MGST1: variants seen among roughly 807,000 people sequenced by gnomAD.
MGST1 encodes the protein microsomal glutathione S-transferase 1.
In MGST1, 5 loss-of-function variants were observed where a neutral mutation model predicts 8.9. That is an observed-to-expected ratio of 0.56 (90% confidence interval 0.29 to 1.19). The LOEUF (loss-of-function observed/expected upper bound fraction) is 1.19. Among genes scored for constraint, MGST1 ranks in the 50% most tolerant of loss-of-function variants. MGST1 has a pLI of 0.08. For synonymous variants in MGST1, 54 were observed against 67.8 expected, an observed-to-expected ratio of 0.80 and a Z score of 1.00; for missense variants, 182 against 187.4, an observed-to-expected ratio of 0.97 and a Z score of 0.17.
chr12:16,368,211 C>T (rs960718221), downstream of MGST1, among the ~76,000 whole-genome samples: 10 of 152,150 alleles, frequency 6.6e-5, no homozygotes, highest in Non-Finnish European at 4.4e-5. Flanking sequence ...CATGGAGTTT[C>T]GGACAACCAA....
At chr12:16,438,622 C>A (rs1941010961) in exon 2 of MGST1, 1 of 151,874 alleles carries the variant, frequency 6.6e-6, no homozygotes, top group African/African-American at 2.4e-5. Context: ...AAATCTGTGA[C>A]ATTCTAATAG....
At chr12:16,454,780 G>C (rs1357911915) in intron 4 of MGST1, among the ~76,000 whole-genome samples, 1 of 150,278 alleles carries the variant, frequency 6.7e-6, no homozygotes, top group Non-Finnish European at 1.5e-5. Flanking sequence ...CTTGGGTAGG[G>C]GTGGATAAAG....
chr12:16,430,801 T>C (rs1386568851), intron 1 of MGST1, among the ~76,000 whole-genome samples: 2 of 152,112 alleles, frequency 1.3e-5, no homozygotes, highest in South Asian at 4.1e-4. Context: ...TTCAACTGAG[T>C]TACCATCTGC....
chr12:16,451,971 T>G (rs762398303), intron 4 of MGST1, among the ~76,000 whole-genome samples: 2 of 151,968 alleles, frequency 1.3e-5, no homozygotes, highest in Admixed American at 6.6e-5. Flanking sequence ...ATTTAAAAAA[T>G]GAACTTGAGG....
chr12:16,470,228 T>C (rs1225781366), intron 4 of MGST1, among the ~76,000 whole-genome samples: 1 of 152,222 alleles, frequency 6.6e-6, no homozygotes, highest in East Asian at 1.9e-4. Context: ...TTTGAGCTAA[T>C]AGCTATGTTT....
In MGST1 at chr12:16,500,902, G is replaced by A. The variant is rs147897696; in HGVS notation, n.483-88626G>A. Among the ~76,000 whole-genome samples the A allele has an allele frequency of 4.6e-5, 7 of 152,150 alleles. No homozygotes were observed. Among genetic ancestry groups the A allele is most frequent in the African/African-American group, 1.4e-4 (6 of 41,534 alleles). On this transcript the variant is annotated intron_variant and non_coding_transcript_variant, in intron 4 of 4. Coordinates refer to the MGST1 transcript ENST00000538857. This position sits in a 1 kb window ranked among gnomAD's most constrained non-coding sequence, Gnocchi z 4.3. ...AGGCGGATCACAAGGTCAAGAGATC[G>A]AGACCATCCTGGCCAAAATGGTGAA...
At chr12:16,391,324 AC>A (rs1333547878) in intron 1 of MGST1, among the ~76,000 whole-genome samples, 2 of 84,260 alleles carry the variant, frequency 2.4e-5, no homozygotes, top group Non-Finnish European at 5.0e-5. Context: ...CTTTCCCCCC[AC>A]CCCCCGACAG....
chr12:16,557,488 CA>C (rs1295108325), intron 4 of MGST1, among the ~76,000 whole-genome samples: 2 of 151,520 alleles, frequency 1.3e-5, no homozygotes, highest in African/African-American at 4.8e-5. Context: ...GATCATTAAG[CA>C]ATGTACAGCA....
chr12:16,450,549 A>ACTCTTCCTTT (rs1941120573), intron 4 of MGST1, among the ~76,000 whole-genome samples: 1 of 151,936 alleles, frequency 6.6e-6, no homozygotes, highest in African/African-American at 2.4e-5. Flanking sequence ...TAGGGAGAGG[A>ACTCTTCCTTT]GTGAGAAAAT....
At chr12:16,421,272 C>T (rs1385007895) in intron 1 of MGST1, among the ~76,000 whole-genome samples, 2 of 152,142 alleles carry the variant, frequency 1.3e-5, no homozygotes, top group African/African-American at 4.8e-5. Flanking sequence ...TTCATTACCT[C>T]TAAAAATATG....
chr12:16,500,737 T>C lies in MGST1; in HGVS notation n.483-88791T>C, dbSNP rs1305427776. 1.3e-5 allele frequency among the ~76,000 whole-genome samples: 2 copies of C among 152,126 alleles called. No individual in the cohort carries two copies. Among genetic ancestry groups the C allele is most frequent in the Non-Finnish European group, 2.9e-5 (2 of 68,002 alleles). ...GTGAAAGTCATCATTATCTATTAAA[T>C]ATTACTATCATAAGGGCAAAATCTA... On this transcript the variant is annotated intron_variant and non_coding_transcript_variant, in intron 4 of 4. Coordinates refer to the MGST1 transcript ENST00000538857. The surrounding 1 kb of genome is among the most constrained non-coding windows in gnomAD (Gnocchi z 4.3).
At chr12:16,470,913 G>C (rs907004894) in intron 4 of MGST1, among the ~76,000 whole-genome samples, 1 of 151,864 alleles carries the variant, frequency 6.6e-6, no homozygotes, top group African/African-American at 2.4e-5. Flanking sequence ...TTTATTTGAG[G>C]GTATTTTAAA....
intron 4 of MGST1, among the ~76,000 whole-genome samples, chr12:16,447,773 C>T (rs1941092146): frequency 6.6e-6 from 1 of 151,944 alleles, no homozygotes; most frequent in South Asian, 2.1e-4. Flanking sequence ...CCATGGGCCT[C>T]CCCTTTTTCA....
At chr12:16,391,761 G>T (rs924562256) in intron 1 of MGST1, among the ~76,000 whole-genome samples, 1 of 152,132 alleles carries the variant, frequency 6.6e-6, no homozygotes, top group Middle Eastern at 3.2e-3. Context: ...GATCCAATTT[G>T]TCAATTTTTG....
intron 4 of MGST1, among the ~76,000 whole-genome samples, chr12:16,447,933 G>A (rs1166783739): frequency 1.3e-5 from 2 of 151,898 alleles, no homozygotes; most frequent in East Asian, 3.9e-4. Context: ...AATGATTGCT[G>A]AATAAATAAA....
At chr12:16,387,687 T>A (rs911015877) in intron 1 of MGST1, among the ~76,000 whole-genome samples, 2 of 151,926 alleles carry the variant, frequency 1.3e-5, no homozygotes, top group South Asian at 4.2e-4. Context: ...CCACCACGCC[T>A]GGCTAATTTT....
At chr12:16,460,739 T>C (rs770599740) in intron 4 of MGST1, among the ~76,000 whole-genome samples, 19 of 152,048 alleles carry the variant, frequency 1.2e-4, no homozygotes, top group Non-Finnish European at 2.8e-4. Context: ...AATAGCCTTG[T>C]TTTTAAAAAC....
intron 3 of MGST1, among the ~76,000 whole-genome samples, chr12:16,358,779 C>CTTTTTTTTTTTTTTTTTT (rs35081887): frequency 1.7e-5 from 1 of 57,574 alleles, no homozygotes; most frequent in Non-Finnish European, 3.1e-5. Flanking sequence ...AAATTCATTC[C>CTTTTTTTTTTTTTTTTTT]TTTTTTTTTT....
chr12:16,532,101 A>C (rs1941726967), intron 4 of MGST1, among the ~76,000 whole-genome samples: 1 of 152,116 alleles, frequency 6.6e-6, no homozygotes, highest in African/African-American at 2.4e-5. Flanking sequence ...CTATATCTTC[A>C]GGTGTTGATG....
Sources: gnomAD v4.1 joint callset for allele counts (sites outside exome capture counted in the v4.1 genomes callset) on GRCh38, gnomAD v4.1.1 for gene constraint, Gnocchi (gnomAD v3.1) non-coding constraint, MANE v1.5 for transcripts, NCBI Gene and HGNC (gene_info 2026-07-23, HGNC 2026-07-21) for gene names.